The following ABLIM2 variants were observed in gnomAD, a reference collection of about 807,000 sequenced individuals.
The protein encoded by ABLIM2 is actin binding LIM protein family member 2, also known as actin-binding LIM protein 2.
In ABLIM2, 53 loss-of-function variants were observed where a neutral mutation model predicts 97.7. The ratio of observed to expected loss-of-function variants is 0.54; its 90% CI spans 0.44 to 0.68. The LOEUF (loss-of-function observed/expected upper bound fraction) is 0.68. Among genes scored for constraint, ABLIM2 ranks in the 30% least tolerant of loss-of-function variants. ABLIM2 has a pLI of 0.00. For missense variants in ABLIM2, 835 were observed against 867.2 expected, an observed-to-expected ratio of 0.96 and a Z score of 0.47; for synonymous variants, 361 against 345.8, an observed-to-expected ratio of 1.04 and a Z score of -0.49.
At chr4:7,984,916 G>A (rs1414485980) in intron 17 of ABLIM2, 23 bp from the exon 18 acceptor site, 3 of 1,606,084 alleles carry the variant, frequency 1.9e-6, no homozygotes, top group Non-Finnish European at 2.5e-6. Flanking sequence ...GAGAGGTTGG[G>A]CGGCAAGAGA....
intron 14 of ABLIM2, among the ~76,000 whole-genome samples, chr4:8,016,836 C>T (rs1769676296): frequency 6.6e-6 from 1 of 152,206 alleles, no homozygotes; most frequent in African/African-American, 2.4e-5. Context: ...GCCTCTGCCG[C>T]CGATGAACTC....
chr4:8,024,844 G>C (rs57322188), intron 12 of ABLIM2, among the ~76,000 whole-genome samples: 1 of 152,202 alleles, frequency 6.6e-6, no homozygotes, highest in Non-Finnish European at 1.5e-5. Flanking sequence ...GACAGCCAGG[G>C]GAGTCTAGTA....
In ABLIM2 at chr4:8,019,132, C is replaced by T. The variant is rs1258322534; in HGVS notation, c.1423+486G>A. The stretch of plus-strand genomic sequence containing the variant: ...TTGCTTATGCAAGAAATCTCCGTAA[C>T]GGAAGGCAAGGTCACCCATCCCATC... On this transcript the variant is annotated intron_variant, in intron 14 of 20. Transcript: ENST00000447017. The surrounding 1 kb of genome is among the most constrained non-coding windows in gnomAD (Gnocchi z 4.3). 2.0e-5 allele frequency among the ~76,000 whole-genome samples: 3 copies of T among 152,202 alleles called. No individual in the cohort carries two copies. The highest frequency in any genetic ancestry group is 4.8e-5 in the African/African-American group (2 of 41,458).
At chr4:8,121,799 G>C (rs571844956) in intron 1 of ABLIM2, among the ~76,000 whole-genome samples, 3 of 152,106 alleles carry the variant, frequency 2.0e-5, no homozygotes, top group African/African-American at 7.2e-5. Context: ...TCCAGTGGAT[G>C]GGGGGGTGAT....
intron 14 of ABLIM2, among the ~76,000 whole-genome samples, chr4:8,013,378 A>G (rs560143244): frequency 1.3e-5 from 2 of 152,098 alleles, no homozygotes; most frequent in Admixed American, 6.5e-5. Context: ...GACCACCACC[A>G]TGCCCGGCTA....
At chr4:8,030,820 G>A (rs111701805) in intron 10 of ABLIM2, among the ~76,000 whole-genome samples, 1,560 of 152,272 alleles carry the variant, frequency 0.01, 33 homozygotes, top group African/African-American at 0.035. Flanking sequence ...TTGGCAGCTC[G>A]GTGCAAGTGG....
At chr4:8,099,389 G>T (rs919738753) in intron 2 of ABLIM2, among the ~76,000 whole-genome samples, 7 of 152,184 alleles carry the variant, frequency 4.6e-5, no homozygotes, top group African/African-American at 1.7e-4. Context: ...TTCCTTGAAG[G>T]AGAAACATGT....
At chr4:7,981,265 C>T (rs1461704780) in intron 20 of ABLIM2, among the ~76,000 whole-genome samples, 2 of 152,070 alleles carry the variant, frequency 1.3e-5, no homozygotes, top group Non-Finnish European at 2.9e-5. Context: ...TGTCTTAACC[C>T]AGATGCTCCT....
At chr4:8,151,153 C>T (rs1712583374) in intron 1 of ABLIM2, among the ~76,000 whole-genome samples, 1 of 152,204 alleles carries the variant, frequency 6.6e-6, no homozygotes, top group Non-Finnish European at 1.5e-5. Context: ...ACGATTGGGG[C>T]TGGAGCCCAG....
rs1812181231 is a variant in ABLIM2, at chr4:8,071,646, G to A, written c.675+5982C>T. On this transcript the variant is annotated intron_variant, in intron 6 of 20. Coordinates refer to ENST00000447017, the MANE Select transcript of ABLIM2 (RefSeq NM_001130083.2). This position sits in a 1 kb window ranked among gnomAD's most constrained non-coding sequence, Gnocchi z 6.2. ...CTTAGGGGGCAAAACGGGGGTGGGGGAACAGGTGGCTCCGAGGTCTCACAC... is the reference window on the plus strand; with the variant it reads ...CTTAGGGGGCAAAACGGGGGTGGGGAAACAGGTGGCTCCGAGGTCTCACAC... The A allele has an allele frequency of 1.6e-5, 15 of 939,112 alleles. No homozygotes were observed. The highest frequency in any genetic ancestry group is 1.8e-5 in the Non-Finnish European group (14 of 787,742). The allele number at this position is 939,112 out of a possible 1,614,324, so 58.2% of individuals were successfully genotyped here.
At position 7,977,552 on chromosome 4, in the gene ABLIM2, G is replaced by A. The variant is rs1007210656; in HGVS notation, c.1824+5712C>T. Among the ~76,000 whole-genome samples, 9 of 152,172 alleles carry A rather than the reference G, an allele frequency of 5.9e-5. 1 individual carries two copies. The highest frequency in any genetic ancestry group is 1.2e-4 in the Non-Finnish European group (8 of 68,040). ...TGCCTGTAATCCTAGCACTTTGGGAGGCTGAAGTGGGGGGATCACCAGAGG... is the reference window on the plus strand; with the variant it reads ...TGCCTGTAATCCTAGCACTTTGGGAAGCTGAAGTGGGGGGATCACCAGAGG... On this transcript the variant is annotated intron_variant, in intron 20 of 20. Coordinates refer to ENST00000447017, the MANE Select transcript of ABLIM2 (RefSeq NM_001130083.2).
intron 6 of ABLIM2, among the ~76,000 whole-genome samples, chr4:8,070,392 G>A (rs1811181562): frequency 2.6e-5 from 4 of 152,026 alleles, no homozygotes; most frequent in African/African-American, 9.7e-5. Flanking sequence ...CACTATGAAT[G>A]TTTTGGCTTA....
chr4:8,039,886 T>G (rs1438397107), intron 9 of ABLIM2, among the ~76,000 whole-genome samples: 2 of 143,774 alleles, frequency 1.4e-5, no homozygotes, highest in Non-Finnish European at 3.0e-5. Flanking sequence ...TTTTTTTTTT[T>G]TTTTTTTTTT....
intron 16 of ABLIM2, chr4:8,007,274 T>G (rs1269954802): frequency 1.0e-6 from 1 of 985,094 alleles, no homozygotes; most frequent in Non-Finnish European, 1.2e-6. Flanking sequence ...ACACGACGGG[T>G]CAGTGGTGAG....
chr4:8,158,718 C>A lies in ABLIM2; in HGVS notation c.-29G>T. 1 of 1,438,858 alleles carries A rather than the reference C, an allele frequency of 6.9e-7. No individual in the cohort carries two copies. Among genetic ancestry groups the A allele is most frequent in the Non-Finnish European group, 9.1e-7 (1 of 1,095,784 alleles). 89.1% of individuals were successfully genotyped at this position (1,438,858 alleles called of 1,614,324 possible). ...AGCAGCCGCTCGGAGTCGGGGCGGC[C>A]CGGCGCTGCGACAGCCAGACCCTCG... On this transcript the variant is annotated 5_prime_UTR_variant, in exon 1 of 21. Transcript: ENST00000447017.
chr4:8,113,537 T>G lies in ABLIM2; in HGVS notation c.11-6900A>C, dbSNP rs181212706. Among the ~76,000 whole-genome samples the G allele has an allele frequency of 1.1e-4, 16 of 152,332 alleles. No homozygotes were observed. The East Asian group carries it at 2.3e-3, about 22-fold the overall frequency. Reference sequence around the variant, plus strand: ...AAGACCAGCAGCTGTGCTCGCCTTGTTCTCTTGCTTTCCTCATTTGCTCTG... The same window carrying G: ...AAGACCAGCAGCTGTGCTCGCCTTGGTCTCTTGCTTTCCTCATTTGCTCTG... On this transcript the variant is annotated intron_variant, in intron 1 of 20. Transcript: ENST00000447017. The surrounding 1 kb of genome is among the most constrained non-coding windows in gnomAD (Gnocchi z 4.5).
chr4:7,971,589 C>G (rs1728098555), intron 20 of ABLIM2, among the ~76,000 whole-genome samples: 3 of 152,128 alleles, frequency 2.0e-5, no homozygotes, highest in Admixed American at 1.3e-4. Flanking sequence ...GGTTAGGTGG[C>G]TTGACCTTTC....
intron 20 of ABLIM2, among the ~76,000 whole-genome samples, chr4:7,979,662 C>A (rs1736438969): frequency 6.6e-6 from 1 of 152,220 alleles, no homozygotes; most frequent in Non-Finnish European, 1.5e-5. Flanking sequence ...TTCCTCATAA[C>A]CATTCACCTT....
intron 2 of ABLIM2, among the ~76,000 whole-genome samples, chr4:8,098,991 C>T (rs535080930): frequency 2.0e-5 from 3 of 152,338 alleles, no homozygotes; most frequent in Admixed American, 1.3e-4. Context: ...TGCCTGCACT[C>T]GCTCCTCCTG....
Sources: allele counts gnomAD v4.1 joint callset (sites outside exome capture counted in the v4.1 genomes callset), GRCh38; gene constraint gnomAD v4.1.1; non-coding constraint Gnocchi (gnomAD v3.1); transcripts MANE v1.5; gene names NCBI Gene and HGNC (gene_info 2026-07-23, HGNC 2026-07-21).